The following KLF12 variants were observed in gnomAD, a reference collection of about 807,000 sequenced individuals.
The protein encoded by KLF12 is Krueppel-like factor 12.
A neutral mutation model predicts 37.8 loss-of-function variants in KLF12; 9 were observed. The ratio of observed to expected loss-of-function variants is 0.24; its 90% CI spans 0.14 to 0.42. The LOEUF is 0.42. KLF12 is among the 10% of genes least tolerant of loss of function. The pLI, the probability that KLF12 is intolerant of heterozygous loss-of-function variation, is 1.00. For missense variants in KLF12, 411 were observed against 516.0 expected (o/e 0.80, Z 1.97); for synonymous variants, 208 against 202.1 (o/e 1.03, Z -0.25).
chr13:73,859,353 C>T (rs577681257), intron 3 of KLF12, among the ~76,000 whole-genome samples: 27 of 152,208 alleles, frequency 1.8e-4, no homozygotes, highest in Non-Finnish European at 2.8e-4. Flanking sequence ...TGCCCATGGC[C>T]CCAGTGGAAC....
intron 3 of KLF12, among the ~76,000 whole-genome samples, chr13:73,860,086 T>C (rs1313930711): frequency 6.6e-6 from 1 of 152,096 alleles, no homozygotes; most frequent in Non-Finnish European, 1.5e-5. Flanking sequence ...CATGCCTGAG[T>C]TCCGGTCTGG....
intron 3 of KLF12, 74 bp from the exon 4 acceptor site, chr13:73,846,447 GA>G: frequency 7.7e-7 from 1 of 1,306,228 alleles, no homozygotes. Context: ...CTTACCACTT[GA>G]ACGTTTATTA....
intron 1 of KLF12, among the ~76,000 whole-genome samples, chr13:74,019,952 C>T (rs899988420): frequency 2.6e-5 from 4 of 152,128 alleles, no homozygotes; most frequent in Non-Finnish European, 5.9e-5. Flanking sequence ...TATAAAATGA[C>T]ATTATGTTGT....
chr13:74,202,022 G>T, the KLF12 span, among the ~76,000 whole-genome samples: 2 of 152,072 alleles, frequency 1.3e-5, no homozygotes, highest in Admixed American at 6.6e-5. Context: ...TCCAGCTCTG[G>T]TGTTAGTGAG....
At chr13:73,893,369 CTTTTT>C (rs71115621) in intron 3 of KLF12, among the ~76,000 whole-genome samples, 7 of 50,566 alleles carry the variant, frequency 1.4e-4, no homozygotes, top group Non-Finnish European at 2.1e-4. Context: ...ACAATATTGA[CTTTTT>C]TTTTTTTTTT....
intron 4 of KLF12, among the ~76,000 whole-genome samples, chr13:73,838,295 A>G (rs1388048169): frequency 2.0e-5 from 3 of 152,186 alleles, no homozygotes; most frequent in Admixed American, 6.6e-5. Context: ...TAGGAAGAAA[A>G]TGGGGTGTAT....
At chr13:74,143,871 GTAGGC>G in the KLF12 span, among the ~76,000 whole-genome samples, 1 of 152,176 alleles carries the variant, frequency 6.6e-6, no homozygotes, top group East Asian at 1.9e-4. Context: ...TTTGCCAACT[GTAGGC>G]TAATGTTAAG....
intron 1 of KLF12, among the ~76,000 whole-genome samples, chr13:74,115,827 C>A (rs1474661032): frequency 6.6e-6 from 1 of 152,118 alleles, no homozygotes; most frequent in African/African-American, 2.4e-5. Context: ...TTATTGCCTT[C>A]TCCTCCTCTG....
intron 6 of KLF12, among the ~76,000 whole-genome samples, chr13:73,733,417 ATGTC>A (rs756117114): frequency 3.4e-4 from 52 of 152,038 alleles, no homozygotes; most frequent in Admixed American, 3.9e-4. Context: ...TCGTCTTTTT[ATGTC>A]TGTCTGTCTT....
chr13:73,826,401 A>C (rs557579455), intron 4 of KLF12, among the ~76,000 whole-genome samples: 1 of 152,302 alleles, frequency 6.6e-6, no homozygotes, highest in Non-Finnish European at 1.5e-5. Context: ...CATTTAACAT[A>C]GGGTCTAGTA....
At chr13:74,219,446 T>C in the KLF12 span, among the ~76,000 whole-genome samples, 1 of 152,246 alleles carries the variant, frequency 6.6e-6, no homozygotes, top group African/African-American at 2.4e-5. Context: ...CTCCTATTGA[T>C]GTACATTTTG....
chr13:73,724,245 T>C (rs1594010163), intron 6 of KLF12, among the ~76,000 whole-genome samples: 1 of 152,100 alleles, frequency 6.6e-6, no homozygotes, highest in African/African-American at 2.4e-5. Flanking sequence ...TGCAGGGACA[T>C]GGGTGAAGCT....
intron 3 of KLF12, among the ~76,000 whole-genome samples, chr13:73,935,021 C>T (rs1889865132): frequency 6.6e-6 from 1 of 150,832 alleles, no homozygotes; most frequent in Non-Finnish European, 1.5e-5. Context: ...GCTTTGTCAT[C>T]CAGACTGTAG....
chr13:74,082,166 A>AAAAAAAAAAAC (rs1874943809), intron 1 of KLF12, among the ~76,000 whole-genome samples: 1 of 149,176 alleles, frequency 6.7e-6, no homozygotes, highest in Non-Finnish European at 1.5e-5. Context: ...TGTCTCTTAA[A>AAAAAAAAAAAC]AAAAAAAAAA....
the KLF12 span, among the ~76,000 whole-genome samples, chr13:74,176,588 G>C: frequency 1.3e-5 from 2 of 152,066 alleles, no homozygotes; most frequent in Non-Finnish European, 2.9e-5. Context: ...CTCATCATGA[G>C]CTCCTGTTCT....
At chr13:74,219,758 G>A in the KLF12 span, among the ~76,000 whole-genome samples, 13 of 152,144 alleles carry the variant, frequency 8.5e-5, no homozygotes, top group South Asian at 4.1e-4. Flanking sequence ...GAAACATTCC[G>A]TGGTCTTCTA....
intron 3 of KLF12, among the ~76,000 whole-genome samples, chr13:73,847,869 A>G (rs1885110119): frequency 6.6e-6 from 1 of 152,212 alleles, no homozygotes; most frequent in Admixed American, 6.5e-5. Flanking sequence ...GATAAAAGCT[A>G]TTAGCATTAT....
At position 73,930,962 on chromosome 13, in the gene KLF12, T is replaced by C. The variant is rs1251238035; in HGVS notation, c.123+13019A>G. Among the ~76,000 whole-genome samples, 39 of 143,868 alleles carry C rather than the reference T, an allele frequency of 2.7e-4. No individual in the cohort carries two copies. The Admixed American group carries it at 2.9e-3, about 11-fold the overall frequency. 94.4% of individuals were successfully genotyped at this position (143,868 alleles called of 152,430 possible). ...CACAACATCCTTCGGGTTCAAGCAA[T>C]TCTCCTACCTCAGACTCCTGAGTAG... On this transcript the variant is annotated intron_variant, in intron 3 of 7. Transcript: ENST00000377669.
At chr13:74,100,977 G>C (rs956961278) in intron 1 of KLF12, among the ~76,000 whole-genome samples, 1 of 152,084 alleles carries the variant, frequency 6.6e-6, no homozygotes, top group Non-Finnish European at 1.5e-5. Flanking sequence ...TCATCAACCA[G>C]GGAAAATTAA....
Sources: allele counts gnomAD v4.1 joint callset (sites outside exome capture counted in the v4.1 genomes callset), GRCh38; gene constraint gnomAD v4.1.1; transcripts MANE v1.5; gene names NCBI Gene and HGNC (gene_info 2026-07-23, HGNC 2026-07-21).